DSC3: variants seen among roughly 807,000 people sequenced by gnomAD.
DSC3 encodes desmocollin 3.
In DSC3, 97 loss-of-function variants were observed where a neutral mutation model predicts 89.5. That is an observed-to-expected ratio of 1.08 (90% CI 0.92 to 1.28). The LOEUF is 1.28. DSC3 is among the 50% of genes most tolerant of loss of function. The pLI, the probability that DSC3 is intolerant of heterozygous loss-of-function variation, is 0.00. For synonymous variants in DSC3, 436 were observed against 384.1 expected (o/e 1.14, Z -1.58); for missense variants, 1,199 against 1,085.3 (o/e 1.10, Z -1.47).
At chr18:31,007,729 G>A (rs543048059) in intron 11 of DSC3, among the ~76,000 whole-genome samples, 2 of 152,278 alleles carry the variant, frequency 1.3e-5, no homozygotes, top group Non-Finnish European at 2.9e-5. Context: ...AGAGTCTGAT[G>A]AGACCATTTT....
chr18:31,029,582 T>G lies in DSC3; in HGVS notation c.401A>C (p.Lys134Thr). 1 of 1,613,890 alleles carries G rather than the reference T, an allele frequency of 6.2e-7. No individual in the cohort carries two copies. Among genetic ancestry groups the G allele is most frequent in the African/African-American group, 1.3e-5 (1 of 75,050 alleles). Residue 134 changes from lysine (K) to threonine (T), a missense_variant, in exon 4 of 16, where the codon AAG becomes ACG. By Grantham distance (78) the Lys-to-Thr change is moderately conservative. Coordinates refer to ENST00000360428, the MANE Select transcript of DSC3 (RefSeq NM_001941.5). ...HTRETVLRRAKRRWAPIPCSM... is the reference protein window; with the variant it reads ...HTRETVLRRATRRWAPIPCSM... ...GCAAGGAATAGGTGCCCATCTCCTCTTGGCACGCCTGAGAACAGTTTCTCT... is the reference window on the plus strand; with the variant it reads ...GCAAGGAATAGGTGCCCATCTCCTCGTGGCACGCCTGAGAACAGTTTCTCT...
Position 31,029,616 on chromosome 18 carries a change from T to G in DSC3, c.367A>C (p.Arg123=). The change falls in exon 4 of 16, where the codon AGA becomes CGA. Residue 123 remains arginine (R), a synonymous_variant. Coordinates refer to ENST00000360428, the MANE Select transcript of DSC3 (RefSeq NM_001941.5). ...LEHQKKVSKT[R]HTRETVLRRA... is the part of the protein sequence containing the mutation. Reference sequence around the variant, plus strand: ...CTGAGAACAGTTTCTCTAGTGTGTCTTGTCTTCGATACCTGAATTTAGAGA... The same window carrying G: ...CTGAGAACAGTTTCTCTAGTGTGTCGTGTCTTCGATACCTGAATTTAGAGA... 6.2e-7 allele frequency: 1 copy of G among 1,613,786 alleles called. No individual in the cohort carries two copies. The highest frequency in any genetic ancestry group is 8.5e-7 in the Non-Finnish European group (1 of 1,179,670).
rs149752254 is a variant in DSC3, at chr18:31,022,413, G to A, written c.865C>T (p.Pro289Ser). 7.4e-6 allele frequency: 12 copies of A among 1,613,908 alleles called. No homozygotes were observed. Among genetic ancestry groups the A allele is most frequent in the Non-Finnish European group, 1.0e-5 (12 of 1,179,988 alleles). ...RLKYSILQQT[P>S]RSPGLFSVHP... The stretch of plus-strand genomic sequence containing the variant: ...ACAGAAAAGAGCCCAGGTGACCTTG[G>A]TGTCTGCTGCAAAATGCTGTATTTC... The change falls in exon 7 of 16, where the codon CCA becomes TCA. Residue 289 changes from proline to serine, a missense_variant. Coordinates refer to ENST00000360428, the MANE Select transcript of DSC3 (RefSeq NM_001941.5).
intron 13 of DSC3, among the ~76,000 whole-genome samples, chr18:31,003,489 C>A (rs1337534006): frequency 6.6e-6 from 1 of 152,142 alleles, no homozygotes; most frequent in Non-Finnish European, 1.5e-5. Context: ...CTCATTTAAT[C>A]CTCAGTGCTA....
chr18:31,028,027 A>C (rs1307016534), intron 4 of DSC3, among the ~76,000 whole-genome samples: 1 of 152,106 alleles, frequency 6.6e-6, no homozygotes, highest in Non-Finnish European at 1.5e-5. Context: ...AAACCCTATT[A>C]AACTTCCAAG....
In DSC3 at chr18:31,026,062, A is replaced by G. The variant is rs2577059; in HGVS notation, c.475-147T>C. On this transcript the variant is annotated intron_variant, in intron 4 of 15. Coordinates refer to ENST00000360428, the MANE Select transcript of DSC3 (RefSeq NM_001941.5). The stretch of plus-strand genomic sequence containing the variant: ...AACAATAATAACCATTGTTGGCAAG[A>G]GTAAGGCAAACAGGGATTCTCACAG... The G allele has an allele frequency of 2.1e-3, 1,762 of 829,282 alleles. 31 individuals are homozygous for G. In the African/African-American group the frequency reaches 0.028, roughly 13 times the overall value. 51.4% of individuals were successfully genotyped at this position (829,282 alleles called of 1,614,324 possible). A position where few individuals can be genotyped will look rare whatever the true frequency, so the allele number is the denominator to read the frequency against.
chr18:30,989,556 TA>T lies in DSC3; in HGVS notation c.*4618del, dbSNP rs910938545. On this transcript the variant is annotated 3_prime_UTR_variant, in exon 16 of 16. Transcript: ENST00000360428. ...CAGTTTCACAACATTTTAAATGTAC[TA>T]AAGTCACTGAATTATACACTTTAAA... Among the ~76,000 whole-genome samples, 1 of 152,182 alleles carries T rather than the reference TA, an allele frequency of 6.6e-6. No individual in the cohort carries two copies. The highest frequency in any genetic ancestry group is 1.5e-5 in the Non-Finnish European group (1 of 68,018).
At chr18:30,995,573 A>G (rs1283704606) in intron 15 of DSC3, among the ~76,000 whole-genome samples, 10 of 152,168 alleles carry the variant, frequency 6.6e-5, no homozygotes, top group Admixed American at 6.5e-4. Context: ...CATTTGAATC[A>G]TCTCGGAAAT....
chr18:30,994,086 T>TATAC lies in DSC3; in HGVS notation c.*85_*88dup. On this transcript the variant is annotated 3_prime_UTR_variant, in exon 16 of 16. Transcript: ENST00000360428. ...TTCAAAATTGAGAAAAAAATCATCA[T>TATAC]ATACATACATGTTGAAATTGAACTT... The TATAC allele has an allele frequency of 3.2e-6, 4 of 1,252,336 alleles. No homozygotes were observed. The South Asian group carries it at 5.0e-5, about 16-fold the overall frequency. The allele number at this position is 1,252,336 out of a possible 1,614,324, so 77.6% of individuals were successfully genotyped here. A position where few individuals can be genotyped will look rare whatever the true frequency, so the allele number is the denominator to read the frequency against.
chr18:31,016,652 A>G (rs1435857155), intron 9 of DSC3, among the ~76,000 whole-genome samples: 1 of 152,192 alleles, frequency 6.6e-6, no homozygotes, highest in East Asian at 1.9e-4. Context: ...CTCTAAAACC[A>G]GAGGGCTCCC....
At chr18:30,996,723 T>C (rs1567947852) in intron 15 of DSC3, 68 bp downstream of exon 15, 2 of 1,590,186 alleles carry the variant, frequency 1.3e-6, no homozygotes, top group East Asian at 4.5e-5. Context: ...TATATGTTAA[T>C]TTGAATTGTC....
At chr18:31,020,095 A>C (rs1334077322) in intron 7 of DSC3, among the ~76,000 whole-genome samples, 1 of 152,184 alleles carries the variant, frequency 6.6e-6, no homozygotes, top group African/African-American at 2.4e-5. Flanking sequence ...GTTGAATCTT[A>C]TGTGCCTGAA....
Position 31,025,782 on chromosome 18 carries a change from C to T in DSC3, c.608G>A (p.Arg203His), listed in dbSNP as rs183968347. The change falls in exon 5 of 16, where the codon CGT (arginine) becomes CAT (histidine). Residue 203 changes from arginine (R) to histidine (H), a missense_variant. Physicochemically the swap from Arg to His is conservative, Grantham distance 29. Coordinates refer to ENST00000360428, the MANE Select transcript of DSC3 (RefSeq NM_001941.5). The stretch of plus-strand genomic sequence containing the variant: ...TACATCAAAAACATCATATTCTTCA[C>T]GATCCACAGGCCGAGTGCAAAATAG... Reference protein sequence around the residue: ...GNLFCTRPVDREEYDVFDLIA... With the variant: ...GNLFCTRPVDHEEYDVFDLIA... 603 of 1,613,072 alleles carry T rather than the reference C, an allele frequency of 3.7e-4. No homozygotes were observed. The highest frequency in any genetic ancestry group is 4.6e-4 in the Non-Finnish European group (545 of 1,179,282).
chr18:31,002,392 A>G (rs1468498274), intron 13 of DSC3, among the ~76,000 whole-genome samples: 4 of 152,160 alleles, frequency 2.6e-5, no homozygotes, highest in Non-Finnish European at 5.9e-5. Context: ...AATTCAGAAG[A>G]ATAAGAGTTT....
chr18:31,033,697 C>T (rs1435021456), intron 1 of DSC3, among the ~76,000 whole-genome samples: 1 of 152,128 alleles, frequency 6.6e-6, no homozygotes, highest in African/African-American at 2.4e-5. Context: ...TTATTATGTA[C>T]AACACCAAAA....
intron 15 of DSC3, among the ~76,000 whole-genome samples, chr18:30,994,807 T>C (rs1984402147): frequency 6.6e-6 from 1 of 152,176 alleles, no homozygotes; most frequent in Non-Finnish European, 1.5e-5. Context: ...AAATATCCTT[T>C]AGTCTCAGTG....
chr18:31,028,307 G>A (rs1039412355), intron 4 of DSC3, among the ~76,000 whole-genome samples: 1 of 152,030 alleles, frequency 6.6e-6, no homozygotes, highest in African/African-American at 2.4e-5. Context: ...GGTGTCCTAG[G>A]AGCCAAATGA....
In DSC3 at chr18:31,036,798, C is replaced by CTTTTTTTTTTTT. The variant is rs775187201; in HGVS notation, c.70-4534_70-4523dup. ...TATTTCCTTTTTGCTTTCTTTCTTC[C>CTTTTTTTTTTTT]TTTTTTTTTTTTGAGATGGAATCTT... On this transcript the variant is annotated intron_variant, in intron 1 of 15. Transcript: ENST00000360428. 3.0e-3 allele frequency among the ~76,000 whole-genome samples: 324 copies of CTTTTTTTTTTTT among 107,336 alleles called. 30 individuals carry two copies. Among genetic ancestry groups the CTTTTTTTTTTTT allele is most frequent in the African/African-American group, 0.01 (288 of 28,070 alleles). The allele number at this position is 107,336 out of a possible 152,430, so 70.4% of individuals were successfully genotyped here.
At chr18:31,042,448 A>G in intron 1 of DSC3, 144 bp downstream of exon 1, 1 of 825,714 alleles carries the variant, frequency 1.2e-6, no homozygotes, top group Non-Finnish European at 2.0e-6. Flanking sequence ...GCAGGCCCGA[A>G]CTTGGGGCTG....
Sources: allele counts gnomAD v4.1 joint callset (sites outside exome capture counted in the v4.1 genomes callset), GRCh38; gene constraint gnomAD v4.1.1; transcripts MANE v1.5; gene names NCBI Gene and HGNC (gene_info 2026-07-23, HGNC 2026-07-21).